NSMCE2: variants seen among roughly 807,000 people sequenced by gnomAD.
NSMCE2 encodes E3 SUMO-protein ligase NSE2.
In NSMCE2, 24 loss-of-function variants were observed where a neutral mutation model predicts 23.8. That is an observed-to-expected ratio of 1.01 (90% CI 0.73 to 1.42). The LOEUF is 1.42. Ranked by LOEUF, NSMCE2 falls within the 40% of genes most tolerant of loss-of-function variation. The probability of loss-of-function intolerance (pLI) is 0.00; values close to 1 mark genes in which losing one functional copy is unlikely to be tolerated. For missense variants in NSMCE2, 284 were observed against 296.5 expected (o/e 0.96, Z 0.31); for synonymous variants, 92 against 94.1 (o/e 0.98, Z 0.13).
At chr8:125,202,968 G>C (rs1189993322) in intron 5 of NSMCE2, among the ~76,000 whole-genome samples, 1 of 152,094 alleles carries the variant, frequency 6.6e-6, no homozygotes, top group Non-Finnish European at 1.5e-5. Context: ...TTTCTTGATA[G>C]GAAGACAGAA....
chr8:125,357,173 T>A (rs377230348), intron 5 of NSMCE2, 46 bp from the exon 6 acceptor site: 2 of 1,262,050 alleles, frequency 1.6e-6, no homozygotes, highest in Non-Finnish European at 2.3e-6. Flanking sequence ...TTCCTTTTCT[T>A]TGACGTTAGA....
intron 5 of NSMCE2, among the ~76,000 whole-genome samples, chr8:125,271,768 G>C (rs11779422): frequency 0.3 from 44,932 of 152,048 alleles, 8,299 homozygotes; most frequent in East Asian, 0.46. Context: ...TTTCACTCAT[G>C]CTTTTTAATG....
intron 4 of NSMCE2, among the ~76,000 whole-genome samples, chr8:125,158,859 C>T (rs1821455804): frequency 6.6e-6 from 1 of 152,142 alleles, no homozygotes; most frequent in African/African-American, 2.4e-5. Flanking sequence ...GGGAATGGAT[C>T]AGTAAATGTT....
Position 125,366,870 on chromosome 8 carries a change from T to C in NSMCE2, c.729T>C (p.His243=). ...TTGAGAACCATAACAAGAAAAGACATCGTCATTCCGAGTAGGAAAAGCCAC... is the reference window on the plus strand; with the variant it reads ...TTGAGAACCATAACAAGAAAAGACACCGTCATTCCGAGTAGGAAAAGCCAC... ...RAIENHNKKR[H]RHSE is the part of the protein sequence containing the mutation. The change falls in exon 8 of 8, where the codon CAT becomes CAC. Residue 243 remains histidine (H), a synonymous_variant. Transcript: ENST00000287437. The C allele has an allele frequency of 6.2e-7, 1 of 1,604,920 alleles. No individual in the cohort carries two copies. Among genetic ancestry groups the C allele is most frequent in the Non-Finnish European group, 8.5e-7 (1 of 1,171,738 alleles).
At position 125,251,699 on chromosome 8, in the gene NSMCE2, A is replaced by C. The variant is rs570500989; in HGVS notation, c.418+69443A>C. On this transcript the variant is annotated intron_variant, in intron 5 of 7. Transcript: ENST00000287437. ...TAGACAATGGAATAGTTATTTTCAT[A>C]ATTAGCTGACTTCATCTTTACCACC... is the stretch of plus-strand genomic sequence containing the variant. Among the ~76,000 whole-genome samples the C allele has an allele frequency of 2.0e-5, 3 of 152,370 alleles. No homozygotes were observed. The East Asian group carries it at 5.8e-4, about 29-fold the overall frequency.
In NSMCE2 at chr8:125,330,177, C is replaced by CTTT. The variant is rs34345598; in HGVS notation, c.419-27041_419-27039dup. On this transcript the variant is annotated intron_variant, in intron 5 of 7. Transcript: ENST00000287437. ...AAACAGAACTAACTTTTTCTTTTTT[C>CTTT]TTTCTTTTTTTTTTTTTTTGAGACA... Among the ~76,000 whole-genome samples, 50 of 119,126 alleles carry CTTT rather than the reference C, an allele frequency of 4.2e-4. 5 individuals carry two copies. The highest frequency in any genetic ancestry group is 5.2e-4 in the Non-Finnish European group (32 of 61,510). 78.2% of individuals were successfully genotyped at this position (119,126 alleles called of 152,430 possible).
intron 5 of NSMCE2, among the ~76,000 whole-genome samples, chr8:125,297,234 C>T (rs1239974202): frequency 7.0e-6 from 1 of 142,996 alleles, no homozygotes; most frequent in African/African-American, 3.0e-5. Context: ...ATAAAAATGC[C>T]TGGCCAAAAG....
intron 3 of NSMCE2, among the ~76,000 whole-genome samples, chr8:125,135,980 C>T (rs1820048418): frequency 1.3e-5 from 2 of 152,176 alleles, no homozygotes; most frequent in Admixed American, 6.5e-5. Context: ...TGCCTTGCAG[C>T]CTGGAGGCTC....
intron 4 of NSMCE2, among the ~76,000 whole-genome samples, chr8:125,159,418 T>C (rs559202012): frequency 2.6e-5 from 4 of 152,178 alleles, no homozygotes; most frequent in Non-Finnish European, 5.9e-5. Context: ...ACATAAATAG[T>C]TGTCATGTTA....
chr8:125,184,704 A>T (rs1823007963), intron 5 of NSMCE2, among the ~76,000 whole-genome samples: 1 of 152,160 alleles, frequency 6.6e-6, no homozygotes, highest in Non-Finnish European at 1.5e-5. Context: ...TACTAATACA[A>T]GTTGATACAA....
At chr8:125,182,383 G>A (rs900683722) in intron 5 of NSMCE2, 127 bp downstream of exon 5, 26 of 777,404 alleles carry the variant, frequency 3.3e-5, no homozygotes, top group African/African-American at 1.3e-4. Flanking sequence ...TCTAAGTTGC[G>A]TTTTATTGTT....
At chr8:125,289,771 A>G (rs1474496812) in intron 5 of NSMCE2, among the ~76,000 whole-genome samples, 1 of 152,246 alleles carries the variant, frequency 6.6e-6, no homozygotes, top group Admixed American at 6.5e-5. Context: ...CTTAAAAGCC[A>G]TGTATTTTAG....
chr8:125,173,033 T>A (rs1244078224), intron 4 of NSMCE2, among the ~76,000 whole-genome samples: 5 of 152,144 alleles, frequency 3.3e-5, no homozygotes, highest in Admixed American at 6.6e-5. Context: ...CCAACAGGTG[T>A]TCCAGGTTCC....
rs574888072 is a variant in NSMCE2, at chr8:125,212,020, G to A, written c.418+29764G>A. Among the ~76,000 whole-genome samples the A allele has an allele frequency of 4.6e-5, 7 of 152,228 alleles. No individual in the cohort carries two copies. The East Asian group carries it at 1.3e-3, about 29-fold the overall frequency. ...GTCATAGTGCTCTGTAAACGTTTAT[G>A]GATTGATTAGCCTAAGTGGGCAAAG... On this transcript the variant is annotated intron_variant, in intron 5 of 7. Coordinates refer to ENST00000287437, the MANE Select transcript of NSMCE2 (RefSeq NM_173685.4).
In NSMCE2 at chr8:125,211,156, A is replaced by G. The variant is rs190429780; in HGVS notation, c.418+28900A>G. ...TGTATGTATAATAACATTATTATAT[A>G]TGTATATTCTCTGCTCTTCTTTAAA... On this transcript the variant is annotated intron_variant, in intron 5 of 7. Coordinates refer to ENST00000287437, the MANE Select transcript of NSMCE2 (RefSeq NM_173685.4). Among the ~76,000 whole-genome samples the G allele has an allele frequency of 1.6e-3, 247 of 152,274 alleles. 1 individual carries two copies. Among genetic ancestry groups the G allele is most frequent in the African/African-American group, 5.8e-3 (239 of 41,556 alleles).
intron 7 of NSMCE2, 65 bp downstream of exon 7, chr8:125,357,883 C>A: frequency 9.0e-7 from 1 of 1,115,246 alleles, no homozygotes; most frequent in South Asian, 1.3e-5. Flanking sequence ...GTGGCGTGTT[C>A]ACGCTAGAGG....
At chr8:125,324,826 G>T (rs1399798524) in intron 5 of NSMCE2, among the ~76,000 whole-genome samples, 1 of 59,018 alleles carries the variant, frequency 1.7e-5, no homozygotes, top group African/African-American at 3.4e-5. Context: ...CGCCCGCCTC[G>T]GCCTCCCAAA....
At chr8:125,137,072 C>T (rs993998517) in intron 3 of NSMCE2, among the ~76,000 whole-genome samples, 2 of 150,694 alleles carry the variant, frequency 1.3e-5, no homozygotes, top group Non-Finnish European at 2.9e-5. Context: ...CTATTATTTT[C>T]ATGAAATCAA....
At chr8:125,195,006 C>T (rs1300675423) in intron 5 of NSMCE2, among the ~76,000 whole-genome samples, 5 of 151,870 alleles carry the variant, frequency 3.3e-5, no homozygotes. Flanking sequence ...ATTCTCATAC[C>T]AGTAGCATGA....
Sources: gnomAD v4.1 joint callset for allele counts (sites outside exome capture counted in the v4.1 genomes callset) on GRCh38, gnomAD v4.1.1 for gene constraint, MANE v1.5 for transcripts, NCBI Gene and HGNC (gene_info 2026-07-23, HGNC 2026-07-21) for gene names.